Variants in GABBR2 observed in about 807,000 individuals in gnomAD.
GABBR2 encodes G-protein coupled receptor 51.
A neutral mutation model predicts 105.6 loss-of-function variants in GABBR2; 23 were observed. That is an observed-to-expected ratio of 0.22 (90% CI 0.16 to 0.31). The LOEUF (loss-of-function observed/expected upper bound fraction) is 0.31. Among genes scored for constraint, GABBR2 ranks in the 10% least tolerant of loss-of-function variants. The pLI, the probability that GABBR2 is intolerant of heterozygous loss-of-function variation, is 1.00. For missense variants in GABBR2, 734 were observed against 1,245.5 expected (o/e 0.59, Z 6.18); for synonymous variants, 478 against 499.7 (o/e 0.96, Z 0.58).
chr9:98,380,163 G>T (rs966413943), intron 11 of GABBR2, among the ~76,000 whole-genome samples: 5 of 152,214 alleles, frequency 3.3e-5, no homozygotes, highest in African/African-American at 1.2e-4. Context: ...CTTGTCAGGT[G>T]GTTGTGAACG....
chr9:98,515,361 G>A (rs1827737247), intron 3 of GABBR2, among the ~76,000 whole-genome samples: 2 of 152,264 alleles, frequency 1.3e-5, no homozygotes, highest in South Asian at 2.1e-4. Context: ...CGATCAAATT[G>A]TCCACCTTTG....
intron 1 of GABBR2, among the ~76,000 whole-genome samples, chr9:98,704,734 T>C (rs939717144): frequency 6.8e-5 from 10 of 146,744 alleles, no homozygotes; most frequent in African/African-American, 2.2e-4. Flanking sequence ...TTTTCAGCTT[T>C]TCCACAATGA....
intron 1 of GABBR2, among the ~76,000 whole-genome samples, chr9:98,671,829 G>C (rs973589429): frequency 3.3e-5 from 5 of 152,188 alleles, no homozygotes; most frequent in African/African-American, 1.2e-4. Flanking sequence ...AGTCCATGAG[G>C]TTGTGGTTAA....
At chr9:98,488,483 CAT>C (rs1359407851) in intron 4 of GABBR2, among the ~76,000 whole-genome samples, 3 of 152,124 alleles carry the variant, frequency 2.0e-5, no homozygotes, top group Non-Finnish European at 2.9e-5. Context: ...ATGGCACAGA[CAT>C]ATTTTCTTTT....
intron 1 of GABBR2, among the ~76,000 whole-genome samples, chr9:98,636,480 CCTTTCT>C (rs1157532076): frequency 3.6e-5 from 5 of 137,118 alleles, no homozygotes; most frequent in African/African-American, 2.7e-5. Flanking sequence ...ATTTTTCTTT[CCTTTCT>C]TTTTTTTTTT....
chr9:98,409,504 C>T (rs1023407178), intron 7 of GABBR2, among the ~76,000 whole-genome samples: 2 of 152,186 alleles, frequency 1.3e-5, no homozygotes, highest in African/African-American at 4.8e-5. Context: ...GCCTGTCTTC[C>T]GTTTGACTCC....
intron 2 of GABBR2, among the ~76,000 whole-genome samples, chr9:98,554,877 G>A (rs1260749239): frequency 3.3e-5 from 5 of 152,284 alleles, no homozygotes; most frequent in Non-Finnish European, 5.9e-5. Flanking sequence ...AAACCAAGTC[G>A]ATGCTGAGAA....
chr9:98,483,970 C>A (rs568885494), intron 4 of GABBR2, among the ~76,000 whole-genome samples: 3 of 152,322 alleles, frequency 2.0e-5, no homozygotes, highest in South Asian at 4.1e-4. Flanking sequence ...GTGTTGAATG[C>A]ACGATGAAGT....
Position 98,454,334 on chromosome 9 carries a change from G to A in GABBR2, c.1000-117C>T, listed in dbSNP as rs1826287942. ...CCACAGGGTGCCAGGTACAGTGCTA[G>A]ATTCTACGTGCATTATCTCATTTAA... On this transcript the variant is annotated intron_variant, in intron 6 of 18. Transcript: ENST00000259455. The surrounding 1 kb of genome is among the most constrained non-coding windows in gnomAD (Gnocchi z 4.6). 2 of 728,360 alleles carry A rather than the reference G, an allele frequency of 2.7e-6. No homozygotes were observed. The allele number at this position is 728,360 out of a possible 1,614,324, so 45.1% of individuals were successfully genotyped here.
intron 1 of GABBR2, among the ~76,000 whole-genome samples, chr9:98,631,116 C>A (rs1006961257): frequency 6.6e-6 from 1 of 152,166 alleles, no homozygotes; most frequent in Non-Finnish European, 1.5e-5. Flanking sequence ...CAAAATCAGA[C>A]TAATTCTTGA....
At chr9:98,413,985 G>A (rs1832638675) in intron 7 of GABBR2, among the ~76,000 whole-genome samples, 1 of 152,206 alleles carries the variant, frequency 6.6e-6, no homozygotes. Flanking sequence ...ATTAGGATAC[G>A]TGCATTCAAT....
Position 98,362,813 on chromosome 9 carries a change from C to A in GABBR2, c.1795G>T (p.Val599Leu). Residue 599 changes from valine (V) to leucine (L), a missense_variant, in exon 13 of 19, where the codon GTG (valine) becomes TTG (leucine). This residue lies in a region of GABBR2 where 17 missense variants were observed against 67.8 expected (regional missense o/e 0.25). Transcript: ENST00000259455. ...ATCAGCAGCATGCCCCCCACGATCA[C>A]AAGCAGTTTCTGGTCCTTGATGATC... ...KKIIKDQKLL[V>L]IVGGMLLIDL... The A allele has an allele frequency of 6.3e-7, 1 of 1,593,732 alleles. No homozygotes were observed. Among genetic ancestry groups the A allele is most frequent in the Non-Finnish European group, 8.5e-7 (1 of 1,170,822 alleles).
At chr9:98,671,302 A>T (rs1830403896) in intron 1 of GABBR2, among the ~76,000 whole-genome samples, 1 of 152,196 alleles carries the variant, frequency 6.6e-6, no homozygotes, top group Admixed American at 6.5e-5. Flanking sequence ...TTTAAGGCCC[A>T]TCCATGTCGT....
intron 1 of GABBR2, among the ~76,000 whole-genome samples, chr9:98,634,110 C>G (rs1437362188): frequency 6.6e-6 from 1 of 152,210 alleles, no homozygotes; most frequent in Non-Finnish European, 1.5e-5. Flanking sequence ...ATGCACGAGA[C>G]TGCCGCTGAC....
intron 8 of GABBR2, among the ~76,000 whole-genome samples, chr9:98,399,008 T>C (rs1832342376): frequency 6.6e-6 from 1 of 152,130 alleles, no homozygotes; most frequent in Non-Finnish European, 1.5e-5. Flanking sequence ...ATAGGCTGTC[T>C]GCCCCAGGAG....
intron 1 of GABBR2, among the ~76,000 whole-genome samples, chr9:98,701,246 C>T (rs1830826909): frequency 6.6e-6 from 1 of 152,190 alleles, no homozygotes; most frequent in Non-Finnish European, 1.5e-5. Flanking sequence ...CAATATCAAA[C>T]ATTAAACAGG....
intron 3 of GABBR2, among the ~76,000 whole-genome samples, chr9:98,499,325 C>T (rs1827351428): frequency 6.6e-6 from 1 of 152,234 alleles, no homozygotes; most frequent in African/African-American, 2.4e-5. Flanking sequence ...GAGGTCATCT[C>T]ATCCCTCCCC....
chr9:98,367,171 G>C (rs1816422514), intron 12 of GABBR2, among the ~76,000 whole-genome samples: 1 of 124,710 alleles, frequency 8.0e-6, no homozygotes, highest in African/African-American at 4.1e-5. Flanking sequence ...TGTTTGGGGA[G>C]GGCAAGCCAT....
At chr9:98,397,200 T>C (rs939190738) in intron 8 of GABBR2, among the ~76,000 whole-genome samples, 1 of 152,214 alleles carries the variant, frequency 6.6e-6, no homozygotes, top group Admixed American at 6.5e-5. Flanking sequence ...TGGTATTTCA[T>C]GATAAAGCAT....
Sources: allele counts gnomAD v4.1 joint callset (sites outside exome capture counted in the v4.1 genomes callset), GRCh38; gene constraint gnomAD v4.1.1; regional missense constraint gnomAD v4.1.1; non-coding constraint Gnocchi (gnomAD v3.1); transcripts MANE v1.5; gene names NCBI Gene and HGNC (gene_info 2026-07-23, HGNC 2026-07-21).